Variants in SCAPER observed in about 807,000 individuals in gnomAD.
SCAPER encodes S-phase cyclin A associated protein in the ER.
SCAPER carries 98 observed loss-of-function variants against 182.2 expected under a neutral mutation model. The ratio of observed to expected loss-of-function variants is 0.54; its 90% CI spans 0.46 to 0.64. The LOEUF (loss-of-function observed/expected upper bound fraction) is 0.64, where lower values mean the gene tolerates loss of function less well. Ranked by LOEUF, SCAPER falls within the 30% of genes least tolerant of loss-of-function variation. SCAPER has a pLI of 0.00. For missense variants in SCAPER, 1,432 were observed against 1,690.0 expected (o/e 0.85, Z 2.68); for synonymous variants, 605 against 564.6 (o/e 1.07, Z -1.01).
At chr15:76,556,880 C>G (rs1265437125) in intron 23 of SCAPER, among the ~76,000 whole-genome samples, 1 of 152,110 alleles carries the variant, frequency 6.6e-6, no homozygotes, top group East Asian at 1.9e-4. Context: ...CCAAAAGCTC[C>G]TATGTCTAAT....
chr15:76,722,983 T>G (rs1395236749), intron 17 of SCAPER, among the ~76,000 whole-genome samples: 1 of 152,182 alleles, frequency 6.6e-6, no homozygotes, highest in African/African-American at 2.4e-5. Context: ...TTTGAATGTG[T>G]TTGCTCTTGC....
intron 2 of SCAPER, among the ~76,000 whole-genome samples, chr15:76,875,854 T>C (rs1352163841): frequency 6.6e-6 from 1 of 152,092 alleles, no homozygotes; most frequent in Non-Finnish European, 1.5e-5. Flanking sequence ...CAAGATTCAC[T>C]GCAAAGAGCG....
In SCAPER at chr15:76,898,504, G is replaced by A. The variant is rs1044536104; in HGVS notation, c.-60+6795C>T. ...AAACAGTGCAAGATGTTCATGAACT[G>A]ATAAATGAATAAATAAAATGTGGTA... On this transcript the variant is annotated intron_variant, in intron 1 of 31. Transcript: ENST00000563290. Among the ~76,000 whole-genome samples the A allele has an allele frequency of 3.9e-5, 6 of 152,274 alleles. No homozygotes were observed. The East Asian group carries it at 1.2e-3, about 29-fold the overall frequency.
chr15:76,742,725 T>C (rs148293075), intron 15 of SCAPER, among the ~76,000 whole-genome samples: 72 of 151,984 alleles, frequency 4.7e-4, no homozygotes, highest in African/African-American at 1.6e-3. Context: ...CTAAAGGATT[T>C]GAAATGGCCA....
intron 20 of SCAPER, among the ~76,000 whole-genome samples, chr15:76,682,619 C>A (rs148313278): frequency 1.3e-5 from 2 of 152,232 alleles, no homozygotes; most frequent in Non-Finnish European, 2.9e-5. Flanking sequence ...TCCCAAGGCA[C>A]CACCTCGAAA....
chr15:76,673,124 A>T (rs1277312010), intron 20 of SCAPER, among the ~76,000 whole-genome samples: 2 of 152,176 alleles, frequency 1.3e-5, no homozygotes, highest in Non-Finnish European at 2.9e-5. Context: ...TTAACTTTCA[A>T]GCAAGAAAAG....
chr15:76,804,644 C>T lies in SCAPER; in HGVS notation c.394-11G>A. 1.3e-6 allele frequency: 2 copies of T among 1,511,564 alleles called. No homozygotes were observed. Among genetic ancestry groups the T allele is most frequent in the South Asian group, 1.3e-5 (1 of 78,430 alleles). 93.6% of individuals were successfully genotyped at this position (1,511,564 alleles called of 1,614,324 possible). ...CATCATTAGCACCTCCTAAAAGAAA[C>T]AAAACAAAAAAAAATTAAATTCCAG... On this transcript the variant is annotated splice_polypyrimidine_tract_variant and intron_variant, in intron 5 of 31. Coordinates refer to ENST00000563290, the MANE Select transcript of SCAPER (RefSeq NM_020843.4).
At chr15:76,762,210 A>C (rs2151255535) in intron 14 of SCAPER, among the ~76,000 whole-genome samples, 1 of 152,266 alleles carries the variant, frequency 6.6e-6, no homozygotes, top group African/African-American at 2.4e-5. Context: ...GAGCCACTCT[A>C]TGCCCTTTGA....
At chr15:76,508,513 T>C (rs1222082566) in intron 23 of SCAPER, among the ~76,000 whole-genome samples, 2 of 152,332 alleles carry the variant, frequency 1.3e-5, no homozygotes, top group East Asian at 1.9e-4. Flanking sequence ...CAAACAATGT[T>C]TGTGGTATAG....
chr15:76,459,146 C>A (rs1246388208), intron 25 of SCAPER, among the ~76,000 whole-genome samples: 1 of 152,148 alleles, frequency 6.6e-6, no homozygotes, highest in Non-Finnish European at 1.5e-5. Context: ...CCTGCCTTGG[C>A]CTTCCAAATT....
chr15:76,698,637 T>G (rs1428600074), intron 20 of SCAPER, among the ~76,000 whole-genome samples: 2 of 152,168 alleles, frequency 1.3e-5, no homozygotes, highest in African/African-American at 4.8e-5. Flanking sequence ...CCAGTCTTAG[T>G]GAGCTGAGGA....
intron 4 of SCAPER, 58 bp downstream of exon 4, chr15:76,857,751 A>C (rs2071526506): frequency 1.9e-6 from 2 of 1,030,330 alleles, no homozygotes; most frequent in Admixed American, 5.7e-5. Context: ...CATAATTTAT[A>C]ATACATTCAG....
chr15:76,843,170 T>C (rs1036998537), intron 4 of SCAPER, among the ~76,000 whole-genome samples: 2 of 152,210 alleles, frequency 1.3e-5, no homozygotes, highest in African/African-American at 2.4e-5. Flanking sequence ...ATAAAGTATA[T>C]CATTCAAATA....
intron 24 of SCAPER, among the ~76,000 whole-genome samples, chr15:76,486,124 A>G (rs969453160): frequency 3.3e-5 from 5 of 151,980 alleles, no homozygotes; most frequent in African/African-American, 9.7e-5. Flanking sequence ...GGAGAATGGC[A>G]TGAACCCGGG....
chr15:76,890,069 T>C (rs60785313), intron 1 of SCAPER, among the ~76,000 whole-genome samples: 6 of 152,144 alleles, frequency 3.9e-5, no homozygotes, highest in African/African-American at 1.4e-4. Context: ...GAATGACTAC[T>C]GGGTAAATAA....
intron 17 of SCAPER, among the ~76,000 whole-genome samples, chr15:76,717,279 T>C (rs891587633): frequency 4.6e-5 from 7 of 152,058 alleles, no homozygotes; most frequent in Non-Finnish European, 8.8e-5. Context: ...CTGTGTTACA[T>C]GAAATGCTTC....
At chr15:76,783,451 G>A (rs117129989) in intron 8 of SCAPER, among the ~76,000 whole-genome samples, 3 of 152,022 alleles carry the variant, frequency 2.0e-5, no homozygotes, top group Non-Finnish European at 2.9e-5. Flanking sequence ...TTCTACCAGA[G>A]GTACAAATAG....
Position 76,768,825 on chromosome 15 carries a change from CAA to C in SCAPER, c.1249-1739_1249-1738del, listed in dbSNP as rs60357495. Among the ~76,000 whole-genome samples the C allele has an allele frequency of 8.8e-3, 1,276 of 144,800 alleles. 14 individuals carry two copies. The highest frequency in any genetic ancestry group is 0.029 in the African/African-American group (1,128 of 39,486). 95.0% of individuals were successfully genotyped at this position (144,800 alleles called of 152,430 possible). A position where few individuals can be genotyped will look rare whatever the true frequency, so the allele number is the denominator to read the frequency against. Reference sequence around the variant, plus strand: ...AACAAAATTGATCTAGGTATTTTCTCAAAAAAAAAAAAAAATATATATATACA... The same window carrying C: ...AACAAAATTGATCTAGGTATTTTCTCAAAAAAAAAAAAATATATATATACA... On this transcript the variant is annotated intron_variant, in intron 10 of 31. Transcript: ENST00000563290.
At chr15:76,535,732 G>C (rs1291622482) in intron 23 of SCAPER, among the ~76,000 whole-genome samples, 2 of 151,952 alleles carry the variant, frequency 1.3e-5, no homozygotes, top group Admixed American at 1.3e-4. Context: ...TCAGGCTCTA[G>C]GTTCTGCATA....
Sources: allele counts gnomAD v4.1 joint callset (sites outside exome capture counted in the v4.1 genomes callset), GRCh38; gene constraint gnomAD v4.1.1; transcripts MANE v1.5; gene names NCBI Gene and HGNC (gene_info 2026-07-23, HGNC 2026-07-21).